The following GSK3B variants were observed in gnomAD, a reference collection of about 807,000 sequenced individuals.
GSK3B encodes glycogen synthase kinase-3 beta.
GSK3B carries 15 observed loss-of-function variants against 56.4 expected under a neutral mutation model. The ratio of observed to expected loss-of-function variants is 0.27; its 90% CI spans 0.18 to 0.41. The LOEUF is 0.41. Ranked by LOEUF, GSK3B falls within the 10% of genes least tolerant of loss-of-function variation. The pLI is 1.00. For missense variants in GSK3B, 300 were observed against 513.4 expected (o/e 0.58, Z 4.02); for synonymous variants, 181 against 188.9 (o/e 0.96, Z 0.34).
chr3:120,006,343 TAGAC>T (rs1415049258), intron 1 of GSK3B, among the ~76,000 whole-genome samples: 35 of 152,232 alleles, frequency 2.3e-4, no homozygotes, highest in Admixed American at 2.2e-3. Context: ...CTGTCAATAT[TAGAC>T]AGATCAAGGA....
chr3:120,004,944 T>A (rs552112525), intron 1 of GSK3B, among the ~76,000 whole-genome samples: 1 of 152,104 alleles, frequency 6.6e-6, no homozygotes, highest in South Asian at 2.1e-4. Flanking sequence ...ATGACAGAAG[T>A]AGGCTTCAGA....
At chr3:119,994,109 G>T (rs1011596736) in intron 2 of GSK3B, among the ~76,000 whole-genome samples, 2 of 152,062 alleles carry the variant, frequency 1.3e-5, no homozygotes, top group Non-Finnish European at 2.9e-5. Flanking sequence ...TGATCCGCCC[G>T]CCTCGGCCGC....
At chr3:119,849,615 C>T (rs977937202) in intron 9 of GSK3B, among the ~76,000 whole-genome samples, 1 of 152,034 alleles carries the variant, frequency 6.6e-6, no homozygotes. Flanking sequence ...TATCTGAATG[C>T]CAGTTGAAGG....
chr3:119,915,921 T>A, intron 5 of GSK3B, 123 bp downstream of exon 5: 1 of 655,970 alleles, frequency 1.5e-6, no homozygotes, highest in Non-Finnish European at 2.6e-6. Context: ...GCTGCACTAG[T>A]TTATACTTCT....
intron 7 of GSK3B, among the ~76,000 whole-genome samples, chr3:119,890,843 A>G (rs1241328304): frequency 6.6e-6 from 1 of 152,024 alleles, no homozygotes; most frequent in East Asian, 1.9e-4. Context: ...TAAGGCTAGC[A>G]TTAAAAGTAT....
chr3:120,030,932 C>T (rs2057970288), intron 1 of GSK3B, among the ~76,000 whole-genome samples: 1 of 152,176 alleles, frequency 6.6e-6, no homozygotes, highest in African/African-American at 2.4e-5. Flanking sequence ...CCAAGATCTG[C>T]CCAATCTAAA....
rs2107465960 is a variant in GSK3B, at chr3:119,923,416, T to C, written c.434A>G (p.His145Arg). 6.2e-7 allele frequency: 1 copy of C among 1,603,982 alleles called. No homozygotes were observed. Among genetic ancestry groups the C allele is most frequent in the Non-Finnish European group, 8.5e-7 (1 of 1,171,870 alleles). The change falls in exon 4 of 11, where the codon CAC (histidine) becomes CGC (arginine). Residue 145 changes from histidine (H) to arginine (R), a missense_variant. This residue lies in a region of GSK3B where 62 missense variants were observed against 84.0 expected (regional missense o/e 0.74). Coordinates refer to ENST00000264235, the MANE Select transcript of GSK3B (RefSeq NM_001146156.2). The stretch of plus-strand genomic sequence containing the variant: ...GAGCGTCTGTTTGGCTCGACTATAG[T>C]GTCTGGCAACTCTGTATACTGTTTC... ...VPETVYRVAR[H>R]YSRAKQTLPV...
chr3:119,948,541 C>A (rs1239773644), intron 2 of GSK3B, among the ~76,000 whole-genome samples: 5 of 152,128 alleles, frequency 3.3e-5, no homozygotes, highest in Non-Finnish European at 7.4e-5. Flanking sequence ...GAAAATAAGT[C>A]AGAAAGTACA....
intron 1 of GSK3B, among the ~76,000 whole-genome samples, chr3:120,064,617 C>T (rs1490376232): frequency 1.3e-5 from 2 of 151,996 alleles, no homozygotes; most frequent in African/African-American, 2.4e-5. Flanking sequence ...TCAATCCCTA[C>T]CAAAATCCCA....
chr3:119,879,429 C>T (rs1464108607), intron 7 of GSK3B, among the ~76,000 whole-genome samples: 1 of 152,136 alleles, frequency 6.6e-6, no homozygotes, highest in East Asian at 1.9e-4. Context: ...GATTTACCCA[C>T]TTCAGCCTCC....
chr3:120,078,345 A>G (rs890294690), intron 1 of GSK3B, among the ~76,000 whole-genome samples: 3 of 152,162 alleles, frequency 2.0e-5, no homozygotes, highest in Non-Finnish European at 4.4e-5. Flanking sequence ...TACAACTTAT[A>G]TTGATACCAT....
At chr3:119,876,619 T>C (rs2108049058) in intron 7 of GSK3B, 111 bp from the exon 8 acceptor site, 1 of 664,362 alleles carries the variant, frequency 1.5e-6, no homozygotes. Flanking sequence ...TTAAATAAAA[T>C]ACGTAACTCA....
At chr3:119,943,082 C>T (rs1220863046) in intron 3 of GSK3B, among the ~76,000 whole-genome samples, 1 of 152,204 alleles carries the variant, frequency 6.6e-6, no homozygotes, top group Non-Finnish European at 1.5e-5. Flanking sequence ...CTACCCCTTT[C>T]CCCTGTTACA....
intron 6 of GSK3B, among the ~76,000 whole-genome samples, chr3:119,910,395 T>G (rs2056723741): frequency 6.6e-6 from 1 of 152,216 alleles, no homozygotes; most frequent in African/African-American, 2.4e-5. Context: ...GTATGTTCAC[T>G]CTATACTGTA....
intron 7 of GSK3B, among the ~76,000 whole-genome samples, chr3:119,884,616 A>G (rs2056414337): frequency 6.6e-6 from 1 of 152,176 alleles, no homozygotes; most frequent in Admixed American, 6.5e-5. Flanking sequence ...AAAATGGTCT[A>G]TCCAATGTTA....
At chr3:120,056,198 A>G (rs1217077242) in intron 1 of GSK3B, among the ~76,000 whole-genome samples, 1 of 152,240 alleles carries the variant, frequency 6.6e-6, no homozygotes, top group East Asian at 1.9e-4. Context: ...GTTAACATGT[A>G]AATGGCTTAC....
At chr3:119,952,517 A>G (rs1200974383) in intron 2 of GSK3B, among the ~76,000 whole-genome samples, 2 of 149,442 alleles carry the variant, frequency 1.3e-5, no homozygotes, top group African/African-American at 4.9e-5. Context: ...AAGAAAGAAA[A>G]GAAAAAAAAA....
intron 7 of GSK3B, among the ~76,000 whole-genome samples, chr3:119,902,274 G>A (rs564455025): frequency 2.0e-5 from 3 of 152,062 alleles, no homozygotes; most frequent in African/African-American, 7.2e-5. Context: ...GCATTTCTTA[G>A]GAATTTTTAT....
intron 1 of GSK3B, among the ~76,000 whole-genome samples, chr3:120,053,083 T>G (rs2058163774): frequency 6.6e-6 from 1 of 152,138 alleles, no homozygotes; most frequent in South Asian, 2.1e-4. Context: ...ATGCCTGTAA[T>G]CTCAGCACTT....
Sources: allele counts gnomAD v4.1 joint callset (sites outside exome capture counted in the v4.1 genomes callset), GRCh38; gene constraint gnomAD v4.1.1; regional missense constraint gnomAD v4.1.1; transcripts MANE v1.5; gene names NCBI Gene and HGNC (gene_info 2026-07-23, HGNC 2026-07-21).